Variants in FOXP1 observed in about 807,000 individuals in gnomAD.
FOXP1 encodes the protein forkhead box P1.
A neutral mutation model predicts 98.2 loss-of-function variants in FOXP1; 15 were observed. That is an observed-to-expected ratio of 0.15 (90% CI 0.10 to 0.24). The LOEUF is 0.24. FOXP1 is among the 10% of genes least tolerant of loss of function. The pLI is 1.00. For missense variants in FOXP1, 633 were observed against 848.5 expected (o/e 0.75, Z 3.15); for synonymous variants, 371 against 314.5 (o/e 1.18, Z -1.90).
At position 71,241,612 on chromosome 3, in the gene FOXP1, T is replaced by C. The variant is rs78495888; in HGVS notation, c.-11-43220A>G. 8.5e-5 allele frequency among the ~76,000 whole-genome samples: 13 copies of C among 152,294 alleles called. No individual in the cohort carries two copies. The East Asian group carries it at 2.3e-3, about 27-fold the overall frequency. On this transcript the variant is annotated intron_variant, in intron 5 of 20. Coordinates refer to ENST00000649528, the MANE Select transcript of FOXP1 (RefSeq NM_001349338.3). ...TCAGGACTATTACAAAGTGGGCTTA[T>C]AAGAGAGGGGCTGAAAAGGAGCTGT...
chr3:70,971,743 C>T (rs2036302695), intron 18 of FOXP1: 2 of 317,608 alleles, frequency 6.3e-6, no homozygotes, highest in South Asian at 1.4e-4. Context: ...ATGGGTTAAG[C>T]ACAAGTATTT....
intron 6 of FOXP1, among the ~76,000 whole-genome samples, chr3:71,124,372 CT>C (rs2059005802): frequency 1.3e-5 from 2 of 150,100 alleles, no homozygotes; most frequent in Admixed American, 1.3e-4. Context: ...CTGGACAATT[CT>C]TGGAAAAAAG....
intron 7 of FOXP1, 48 bp from the exon 8 acceptor site, chr3:71,053,821 C>A: frequency 6.2e-7 from 1 of 1,611,326 alleles, no homozygotes; most frequent in African/African-American, 1.3e-5. Context: ...ATCAGAAGCA[C>A]GCAGCCTCCC....
intron 3 of FOXP1, among the ~76,000 whole-genome samples, chr3:71,368,535 T>A (rs1312175581): frequency 6.6e-6 from 1 of 152,184 alleles, no homozygotes; most frequent in Non-Finnish European, 1.5e-5. Flanking sequence ...TATTGATATA[T>A]GCACAGGCTA....
At chr3:71,053,561 G>A (rs1286941457) in intron 8 of FOXP1, 75 bp downstream of exon 8, 1 of 1,574,800 alleles carries the variant, frequency 6.4e-7, no homozygotes, top group Non-Finnish European at 8.7e-7. Context: ...CTGGTGGAGG[G>A]GAGATTGCGA....
At chr3:71,291,590 T>C (rs1197104487) in intron 5 of FOXP1, among the ~76,000 whole-genome samples, 2 of 152,170 alleles carry the variant, frequency 1.3e-5, no homozygotes, top group Admixed American at 6.5e-5. Context: ...CAGAAAGAAC[T>C]ACTTTACATT....
intron 6 of FOXP1, among the ~76,000 whole-genome samples, chr3:71,165,919 C>T (rs991962186): frequency 1.3e-5 from 2 of 152,190 alleles, no homozygotes; most frequent in African/African-American, 4.8e-5. Context: ...AACAGAAGCA[C>T]CACGTTTGAG....
chr3:71,537,741 C>G (rs1470506950), intron 2 of FOXP1, among the ~76,000 whole-genome samples: 2 of 152,186 alleles, frequency 1.3e-5, no homozygotes, highest in Non-Finnish European at 2.9e-5. Context: ...GTATTTAAAG[C>G]TTTTTGTAGC....
chr3:71,536,491 A>G (rs2044300643), intron 2 of FOXP1, among the ~76,000 whole-genome samples: 1 of 152,174 alleles, frequency 6.6e-6, no homozygotes, highest in East Asian at 1.9e-4. Flanking sequence ...AGACTGTACT[A>G]AAGTCGAAGG....
chr3:71,183,246 C>A lies in FOXP1; in HGVS notation c.180+14956G>T, dbSNP rs148542345. On this transcript the variant is annotated intron_variant, in intron 6 of 20. Transcript: ENST00000649528. ...TGGAGGCTCATGCCTGTAATCCCAG[C>A]ACTTTGGGAGGCCGAGGCGGGTGGA... 2.4e-4 allele frequency among the ~76,000 whole-genome samples: 37 copies of A among 152,236 alleles called. No individual in the cohort carries two copies. The East Asian group carries it at 4.5e-3, about 18-fold the overall frequency.
intron 6 of FOXP1, among the ~76,000 whole-genome samples, chr3:71,156,799 T>A (rs1378801444): frequency 6.6e-6 from 1 of 152,162 alleles, no homozygotes; most frequent in Non-Finnish European, 1.5e-5. Flanking sequence ...GATTCTGACA[T>A]GCTTCCATAC....
intron 6 of FOXP1, among the ~76,000 whole-genome samples, chr3:71,153,766 A>G (rs1448049306): frequency 6.6e-6 from 1 of 152,238 alleles, no homozygotes; most frequent in African/African-American, 2.4e-5. Flanking sequence ...AGAGACAATC[A>G]TACCTGATGA....
chr3:71,514,834 G>T (rs190228271), intron 2 of FOXP1, among the ~76,000 whole-genome samples: 1 of 152,220 alleles, frequency 6.6e-6, no homozygotes, highest in Non-Finnish European at 1.5e-5. Context: ...CTCACACCAC[G>T]CCCAGTAAGG....
chr3:71,062,326 A>G (rs1486039872), intron 7 of FOXP1, among the ~76,000 whole-genome samples: 1 of 152,210 alleles, frequency 6.6e-6, no homozygotes, highest in Non-Finnish European at 1.5e-5. Flanking sequence ...AAGACAATAC[A>G]CTATATATCC....
At chr3:71,117,333 C>T (rs1184165366) in intron 6 of FOXP1, among the ~76,000 whole-genome samples, 1 of 152,174 alleles carries the variant, frequency 6.6e-6, no homozygotes, top group African/African-American at 2.4e-5. Flanking sequence ...GCAATCCTCC[C>T]ACTTTGGCCT....
At chr3:71,283,981 A>G (rs1467283097) in intron 5 of FOXP1, among the ~76,000 whole-genome samples, 2 of 152,198 alleles carry the variant, frequency 1.3e-5, no homozygotes, top group Non-Finnish European at 2.9e-5. Context: ...GCCTGTTCCA[A>G]TGAACAATTA....
chr3:70,958,130 T>C lies in FOXP1; in HGVS notation c.*1117A>G, dbSNP rs2032266379. The C allele has an allele frequency of 9.3e-6, 3 of 322,776 alleles. No individual in the cohort carries two copies. The highest frequency in any genetic ancestry group is 9.9e-5 in the East Asian group (2 of 20,210). The allele number at this position is 322,776 out of a possible 1,614,324, so 20.0% of individuals were successfully genotyped here. A position where few individuals can be genotyped will look rare whatever the true frequency, so the allele number is the denominator to read the frequency against. ...GTCTAATTAATATGAGCTTTTTTTT[T>C]TTTTTCAGTGCTGCCTATGTTTCCT... On this transcript the variant is annotated 3_prime_UTR_variant, in exon 21 of 21. Transcript: ENST00000649528.
chr3:71,361,169 T>C (rs1257613842), intron 3 of FOXP1, among the ~76,000 whole-genome samples: 1 of 152,212 alleles, frequency 6.6e-6, no homozygotes, highest in African/African-American at 2.4e-5. Flanking sequence ...TGGTAAAGGC[T>C]GTAATCGTTC....
Position 71,171,103 on chromosome 3 carries a change from T to TC in FOXP1, c.180+27098_180+27099insG, listed in dbSNP as rs2061631989. On this transcript the variant is annotated intron_variant, in intron 6 of 20. Coordinates refer to ENST00000649528, the MANE Select transcript of FOXP1 (RefSeq NM_001349338.3). ...TTCATACAAATACACACTCACTTTT[T>TC]TTTTTTTTTAATTTAAATAATTTTT... 2.6e-5 allele frequency among the ~76,000 whole-genome samples: 4 copies of TC among 151,642 alleles called. No individual in the cohort carries two copies. In the South Asian group the frequency reaches 8.4e-4, roughly 32 times the overall value.
Sources: gnomAD v4.1 joint callset for allele counts (sites outside exome capture counted in the v4.1 genomes callset) on GRCh38, gnomAD v4.1.1 for gene constraint, MANE v1.5 for transcripts, NCBI Gene and HGNC (gene_info 2026-07-23, HGNC 2026-07-21) for gene names.